Variants in TPCN2 observed in about 807,000 individuals in gnomAD.
The protein encoded by TPCN2 is two pore segment channel 2.
In TPCN2, 92 loss-of-function variants were observed where a neutral mutation model predicts 111.4. The observed-to-expected ratio is 0.83, with a 90% CI of 0.70 to 0.98. The LOEUF (loss-of-function observed/expected upper bound fraction) is 0.98. Among genes scored for constraint, TPCN2 ranks in the 50% least tolerant of loss-of-function variants. TPCN2 has a pLI of 0.00. For synonymous variants in TPCN2, 405 were observed against 414.5 expected, an observed-to-expected ratio of 0.98 and a Z score of 0.28; for missense variants, 995 against 980.1, an observed-to-expected ratio of 1.02 and a Z score of -0.20.
intron 13 of TPCN2, 102 bp from the exon 14 acceptor site, chr11:69,078,380 A>G: frequency 1.4e-6 from 2 of 1,449,626 alleles, no homozygotes; most frequent in East Asian, 2.4e-5. Context: ...GAGATGGGGT[A>G]GGAAAAAATC....
At chr11:69,054,382 G>C in intron 2 of TPCN2, 2 of 572,494 alleles carry the variant, frequency 3.5e-6, no homozygotes, top group South Asian at 4.1e-5. Context: ...GGATGACACA[G>C]CTGCACGGGG....
rs374520894 is a variant in TPCN2 at position 69,081,506 on chromosome 11, G to C, written c.1689+7G>C. 6.5e-7 allele frequency: 1 copy of C among 1,546,456 alleles called. No individual in the cohort carries two copies. The highest frequency in any genetic ancestry group is 8.7e-7 in the Non-Finnish European group (1 of 1,143,406). ...TATCATCCCCAGCATGAAGGTGTGT[G>C]CCGGCCCCACCCCCACTCGCCCCAC... On this transcript the variant is annotated splice_region_variant and intron_variant, in intron 18 of 24. Coordinates refer to ENST00000294309, the MANE Select transcript of TPCN2 (RefSeq NM_139075.4).
chr11:69,053,334 G>A (rs1861319120), intron 1 of TPCN2, among the ~76,000 whole-genome samples: 1 of 152,206 alleles, frequency 6.6e-6, no homozygotes, highest in Admixed American at 6.5e-5. Context: ...AGTGATTTGG[G>A]TGGGCTTGCC....
chr11:69,054,665 T>TCACGGCC, intron 2 of TPCN2, 56 bp from the exon 3 acceptor site: 2 of 1,542,536 alleles, frequency 1.3e-6, no homozygotes, highest in Non-Finnish European at 1.8e-6. Context: ...GGGGCTCGGG[T>TCACGGCC]CACGGCCCAC....
At chr11:69,050,464 C>G (rs1861171987) in intron 1 of TPCN2, among the ~76,000 whole-genome samples, 1 of 152,236 alleles carries the variant, frequency 6.6e-6, no homozygotes, top group Non-Finnish European at 1.5e-5. Context: ...CAGCCTCTAC[C>G]TCTGCTGGGT....
intron 5 of TPCN2, 26 bp downstream of exon 5, chr11:69,057,720 A>C: frequency 1.2e-6 from 2 of 1,604,214 alleles, no homozygotes; most frequent in Non-Finnish European, 1.7e-6. Context: ...GCCCTGAGAC[A>C]GATGGAGAGA....
rs1046448311 is a variant in TPCN2 at position 69,071,946 on chromosome 11, T to G, written c.984T>G (p.Phe328Leu). The G allele has an allele frequency of 1.9e-6, 3 of 1,613,946 alleles. No individual in the cohort carries two copies. In the South Asian group the frequency reaches 3.3e-5, roughly 18 times the overall value. The change falls in exon 11 of 25, where the codon TTT becomes TTG. Residue 328 changes from phenylalanine to leucine, a missense_variant. Phe to Leu is a conservative substitution (Grantham distance 22). Coordinates refer to ENST00000294309, the MANE Select transcript of TPCN2 (RefSeq NM_139075.4). ...YLMKSLQTSLFRRRLGTRAAF... is the reference protein window; with the variant it reads ...YLMKSLQTSLLRRRLGTRAAF... ...AGAAATCTCTCCAGACCTCGCTGTT[T>G]CGGAGGCGGCTGGGAACCCGGGCTG... is the stretch of plus-strand genomic sequence containing the variant.
intron 13 of TPCN2, 75 bp downstream of exon 13, chr11:69,073,076 A>G: frequency 1.8e-6 from 2 of 1,114,012 alleles, no homozygotes; most frequent in Non-Finnish European, 2.7e-6. Context: ...CACCTGGGGA[A>G]CTCTTCTAAT....
intron 6 of TPCN2, among the ~76,000 whole-genome samples, chr11:69,063,495 G>C (rs1438136032): frequency 6.6e-6 from 1 of 151,996 alleles, no homozygotes; most frequent in African/African-American, 2.4e-5. Flanking sequence ...GCTCACCCCT[G>C]GTCCCGATCC....
At chr11:69,059,283 C>T (rs1462352682) in intron 5 of TPCN2, among the ~76,000 whole-genome samples, 1 of 151,794 alleles carries the variant, frequency 6.6e-6, no homozygotes, top group African/African-American at 2.4e-5. Flanking sequence ...AGCCAGCCTG[C>T]CCGCTCACCC....
At chr11:69,084,118 G>T (rs1337844974) in intron 19 of TPCN2, 102 bp downstream of exon 19, 11 of 1,262,948 alleles carry the variant, frequency 8.7e-6, no homozygotes, top group Non-Finnish European at 1.2e-5. Context: ...CTGTCGGTAG[G>T]AAGGTTCTTG....
chr11:69,086,334 G>A (rs1003410075), intron 22 of TPCN2, among the ~76,000 whole-genome samples, 189 bp from the exon 23 acceptor site: 6 of 152,154 alleles, frequency 3.9e-5, no homozygotes, highest in Non-Finnish European at 2.9e-5. Context: ...TAGCTACCTC[G>A]GCAGCTTGTT....
At chr11:69,075,202 C>T (rs756822431) in intron 13 of TPCN2, among the ~76,000 whole-genome samples, 4 of 152,146 alleles carry the variant, frequency 2.6e-5, no homozygotes, top group Non-Finnish European at 4.4e-5. Context: ...GCCACAATAG[C>T]CTTAATCTGG....
In TPCN2 at chr11:69,086,503, T is replaced by G; in HGVS notation, c.2004-20T>G. On this transcript the variant is annotated intron_variant, in intron 22 of 24. Coordinates refer to ENST00000294309, the MANE Select transcript of TPCN2 (RefSeq NM_139075.4). ...GCTTTGCTCATCGTGGTTCACAGGGTGGGTCTCTGTCCTCCGCAGGTGGTC... is the reference window on the plus strand; with the variant it reads ...GCTTTGCTCATCGTGGTTCACAGGGGGGGTCTCTGTCCTCCGCAGGTGGTC... 2 of 1,609,398 alleles carry G rather than the reference T, an allele frequency of 1.2e-6. No individual in the cohort carries two copies. Among genetic ancestry groups the G allele is most frequent in the Non-Finnish European group, 1.7e-6 (2 of 1,175,674 alleles).
intron 10 of TPCN2, 147 bp from the exon 11 acceptor site, chr11:69,071,776 A>AG (rs1855546994): frequency 1.5e-6 from 1 of 685,088 alleles, no homozygotes; most frequent in East Asian, 2.7e-5. Context: ...CTGGGGGGTG[A>AG]GGGGCTGCCC....
At chr11:69,049,229 G>A (rs866394555) in intron 1 of TPCN2, 123 bp downstream of exon 1, 50 of 597,530 alleles carry the variant, frequency 8.4e-5, no homozygotes, top group Middle Eastern at 1.0e-3. Context: ...GTCCGAGCGG[G>A]GCCCGGGCCG....
At chr11:69,084,667 C>A in intron 19 of TPCN2, 1 of 985,434 alleles carries the variant, frequency 1.0e-6, no homozygotes, top group Non-Finnish European at 1.2e-6. Context: ...TTTATTCTGA[C>A]CACCTTGACG....
chr11:69,066,886 G>T (rs1007665646), intron 7 of TPCN2, among the ~76,000 whole-genome samples: 1 of 152,184 alleles, frequency 6.6e-6, no homozygotes, highest in African/African-American at 2.4e-5. Flanking sequence ...GTTGCTTTCC[G>T]AGCAGAAACA....
intron 7 of TPCN2, among the ~76,000 whole-genome samples, chr11:69,064,187 C>T (rs1855155814): frequency 6.6e-6 from 1 of 152,068 alleles, no homozygotes; most frequent in South Asian, 2.1e-4. Context: ...CTCCTGGGCT[C>T]AGGGCCACTT....
Sources: allele counts gnomAD v4.1 joint callset (sites outside exome capture counted in the v4.1 genomes callset), GRCh38; gene constraint gnomAD v4.1.1; transcripts MANE v1.5; gene names NCBI Gene and HGNC (gene_info 2026-07-23, HGNC 2026-07-21).